Variants in MINAR2 observed in about 807,000 individuals in gnomAD.
MINAR2 encodes major intrinsically disordered NOTCH2-binding receptor 1-like.
MINAR2 carries 21 observed loss-of-function variants against 16.1 expected under a neutral mutation model. That is an observed-to-expected ratio of 1.31 (90% CI 0.93 to 1.88). The LOEUF is 1.88. Among genes scored for constraint, MINAR2 ranks in the 40% most tolerant of loss-of-function variants. MINAR2 has a pLI of 0.00. For synonymous variants in MINAR2, 86 were observed against 83.0 expected (o/e 1.04, Z -0.20); for missense variants, 259 against 229.8 (o/e 1.13, Z -0.82).
chr5:129,756,952 A>C (rs1307607894), intron 1 of MINAR2, among the ~76,000 whole-genome samples: 2 of 148,624 alleles, frequency 1.3e-5, no homozygotes, highest in African/African-American at 4.9e-5. Flanking sequence ...AAAAAAAAAA[A>C]AAAAAACACA....
chr5:129,764,734 T>G (rs1758186219), intron 2 of MINAR2, 150 bp from the exon 3 acceptor site: 7 of 417,816 alleles, frequency 1.7e-5, no homozygotes, highest in Non-Finnish European at 2.9e-5. Context: ...CTCATACCGC[T>G]CATGTGAGCC....
Position 129,748,171 on chromosome 5 carries a change from C to A in MINAR2, c.-20C>A. On this transcript the variant is annotated 5_prime_UTR_variant, in exon 1 of 3. Coordinates refer to ENST00000564719, the MANE Select transcript of MINAR2 (RefSeq NM_001257308.2). ...AGCAGCTTTGCCTGTCTTTGTTTTC[C>A]ACTGTAGGTGAAGGGAGACATGGAT... 1.3e-6 allele frequency: 2 copies of A among 1,532,840 alleles called. No individual in the cohort carries two copies. Among genetic ancestry groups the A allele is most frequent in the South Asian group, 1.2e-5 (1 of 83,796 alleles). 95.0% of individuals were successfully genotyped at this position (1,532,840 alleles called of 1,614,324 possible).
intron 1 of MINAR2, among the ~76,000 whole-genome samples, chr5:129,751,396 A>T (rs1412846200): frequency 6.6e-6 from 1 of 151,994 alleles, no homozygotes; most frequent in East Asian, 1.9e-4. Flanking sequence ...TTTAGTAGAG[A>T]TGGGGTTTCA....
Position 129,764,889 on chromosome 5 carries a change from T to C in MINAR2, c.399T>C (p.Asn133=). The C allele has an allele frequency of 7.6e-7, 1 of 1,312,074 alleles. No homozygotes were observed. Among genetic ancestry groups the C allele is most frequent in the Non-Finnish European group, 9.7e-7 (1 of 1,029,044 alleles). The allele number at this position is 1,312,074 out of a possible 1,614,324, so 81.3% of individuals were successfully genotyped here. ...HTNLSGHLKE[N]PNDLRFWLGD... is the part of the protein sequence containing the mutation. ...TCTATGTAATTTTCTTTTAGGAAAA[T>C]CCTAATGACCTGCGGTTTTGGTTGG... Residue 133 remains asparagine, a synonymous_variant, in exon 3 of 3, where the codon AAT becomes AAC. Transcript: ENST00000564719.
chr5:129,748,201 C>T lies in MINAR2; in HGVS notation c.11C>T (p.Ser4Phe). The change falls in exon 1 of 3, where the codon TCT becomes TTT. Residue 4 changes from serine to phenylalanine, a missense_variant. Ser to Phe is a radical substitution (Grantham distance 155). Transcript: ENST00000564719. MDL[S>F]VLPNNNHPDK... is the part of the protein sequence containing the mutation. Reference sequence around the variant, plus strand: ...TAGGTGAAGGGAGACATGGATCTCTCTGTTTTGCCAAATAACAACCATCCT... The same window carrying T: ...TAGGTGAAGGGAGACATGGATCTCTTTGTTTTGCCAAATAACAACCATCCT... The T allele has an allele frequency of 2.0e-6, 3 of 1,535,038 alleles. No individual in the cohort carries two copies. The highest frequency in any genetic ancestry group is 2.6e-6 in the Non-Finnish European group (3 of 1,146,454).
chr5:129,759,768 T>C (rs1279504736), intron 1 of MINAR2, among the ~76,000 whole-genome samples: 1 of 152,058 alleles, frequency 6.6e-6, no homozygotes, highest in Non-Finnish European at 1.5e-5. Context: ...TATATGAATA[T>C]TATGCTTCAA....
intron 1 of MINAR2, among the ~76,000 whole-genome samples, chr5:129,749,211 G>C (rs1757955907): frequency 6.6e-6 from 1 of 152,136 alleles, no homozygotes; most frequent in African/African-American, 2.4e-5. Context: ...AGATGTGACT[G>C]ACCTACAAAC....
At chr5:129,762,563 C>G in intron 2 of MINAR2, 1 of 346,638 alleles carries the variant, frequency 2.9e-6, no homozygotes, top group South Asian at 3.1e-5. Context: ...GTTTTCTGCT[C>G]TTTGTGGAAT....
At chr5:129,753,135 G>C (rs565559165) in intron 1 of MINAR2, among the ~76,000 whole-genome samples, 48 of 151,618 alleles carry the variant, frequency 3.2e-4, no homozygotes, top group Non-Finnish European at 5.9e-4. Flanking sequence ...CTGAACACAC[G>C]TCATGCCTTC....
At chr5:129,762,155 A>G (rs977970732) in intron 2 of MINAR2, among the ~76,000 whole-genome samples, 13 of 152,206 alleles carry the variant, frequency 8.5e-5, no homozygotes, top group Admixed American at 6.5e-4. Context: ...CATTCTGCAC[A>G]TGTATCCCAT....
At chr5:129,759,260 C>T (rs1376341708) in intron 1 of MINAR2, among the ~76,000 whole-genome samples, 1 of 151,954 alleles carries the variant, frequency 6.6e-6, no homozygotes, top group African/African-American at 2.4e-5. Flanking sequence ...CATACATTTA[C>T]TGAAAAATAT....
At chr5:129,757,160 A>C (rs1441484894) in intron 1 of MINAR2, among the ~76,000 whole-genome samples, 1 of 151,674 alleles carries the variant, frequency 6.6e-6, no homozygotes, top group Non-Finnish European at 1.5e-5. Context: ...TAGTGTCACA[A>C]AAAAAGAAAG....
In MINAR2 at chr5:129,760,501, C is replaced by T. The variant is rs558267298; in HGVS notation, c.289C>T (p.Leu97=). ...VMKNNPLYGD[L]SLEEAMEERK... is the part of the protein sequence containing the mutation. ...GAAGAATAACCCACTCTATGGTGAC[C>T]TAAGTTTGGAGGAAGCTATGGAAGA... Residue 97 remains leucine, a synonymous_variant, in exon 2 of 3, where the codon CTA becomes TTA. Coordinates refer to ENST00000564719, the MANE Select transcript of MINAR2 (RefSeq NM_001257308.2). The T allele has an allele frequency of 1.3e-6, 2 of 1,535,694 alleles. No individual in the cohort carries two copies. The highest frequency in any genetic ancestry group is 2.4e-5 in the East Asian group (1 of 40,900).
intron 1 of MINAR2, among the ~76,000 whole-genome samples, chr5:129,752,324 A>C (rs1268756619): frequency 6.6e-6 from 1 of 152,188 alleles, no homozygotes; most frequent in Non-Finnish European, 1.5e-5. Flanking sequence ...AACCAACCCA[A>C]ATGTCCATCA....
intron 2 of MINAR2, among the ~76,000 whole-genome samples, chr5:129,760,868 C>T (rs1379055485): frequency 1.3e-5 from 2 of 152,122 alleles, no homozygotes; most frequent in African/African-American, 4.8e-5. Context: ...CAAAGGTTTT[C>T]CAGGAGGGTA....
chr5:129,760,394 T>C lies in MINAR2; in HGVS notation c.182T>C (p.Ile61Thr), dbSNP rs1758117162. The C allele has an allele frequency of 6.5e-7, 1 of 1,535,476 alleles. No homozygotes were observed. The highest frequency in any genetic ancestry group is 1.2e-5 in the South Asian group (1 of 84,046). ...LVYSQREKKNIAAQRIRGSSA... is the reference protein window; with the variant it reads ...LVYSQREKKNTAAQRIRGSSA... ...GCCTCTTAGAGGGAAAAGAAGAATATTGCTGCTCAACGAATTAGGGGATCC... is the reference window on the plus strand; with the variant it reads ...GCCTCTTAGAGGGAAAAGAAGAATACTGCTGCTCAACGAATTAGGGGATCC... Residue 61 changes from isoleucine (I) to threonine (T), a missense_variant, in exon 2 of 3, where the codon ATT (isoleucine) becomes ACT (threonine). By Grantham distance (89) the Ile-to-Thr change is moderately conservative. Coordinates refer to ENST00000564719, the MANE Select transcript of MINAR2 (RefSeq NM_001257308.2).
intron 1 of MINAR2, 38 bp downstream of exon 1, chr5:129,748,393 T>C (rs1757945061): frequency 6.6e-7 from 1 of 1,521,802 alleles, no homozygotes; most frequent in African/African-American, 1.4e-5. Flanking sequence ...GGATGGAGGC[T>C]TGTTTCTTTC....
intron 1 of MINAR2, among the ~76,000 whole-genome samples, chr5:129,753,060 A>G (rs2149545060): frequency 6.6e-6 from 1 of 152,146 alleles, no homozygotes; most frequent in South Asian, 2.1e-4. Flanking sequence ...TTTTTCCCAT[A>G]AATTTCAATG....
intron 2 of MINAR2, among the ~76,000 whole-genome samples, chr5:129,764,548 T>C (rs1345549172): frequency 1.3e-5 from 2 of 152,188 alleles, no homozygotes; most frequent in African/African-American, 4.8e-5. Flanking sequence ...GAACACCAAA[T>C]TGGCTACAAT....
Sources: allele counts gnomAD v4.1 joint callset (sites outside exome capture counted in the v4.1 genomes callset), GRCh38; gene constraint gnomAD v4.1.1; transcripts MANE v1.5; gene names NCBI Gene and HGNC (gene_info 2026-07-23, HGNC 2026-07-21).